Variants in SMARCD1 observed in about 807,000 individuals in gnomAD.
The protein encoded by SMARCD1 is SWI/SNF related BAF chromatin remodeling complex subunit D1.
A neutral mutation model predicts 70.8 loss-of-function variants in SMARCD1; 16 were observed. The ratio of observed to expected loss-of-function variants is 0.23; its 90% confidence interval spans 0.15 to 0.34. SMARCD1 has a LOEUF of 0.34. Ranked by LOEUF, SMARCD1 falls within the 10% of genes least tolerant of loss-of-function variation. The probability of loss-of-function intolerance (pLI) is 1.00; values close to 1 mark genes in which losing one functional copy is unlikely to be tolerated. For synonymous variants in SMARCD1, 249 were observed against 246.0 expected (o/e 1.01, Z -0.11); for missense variants, 409 against 655.5 (o/e 0.62, Z 4.11).
chr12:50,097,967 G>A (rs1012406041), intron 11 of SMARCD1, among the ~76,000 whole-genome samples: 1 of 151,902 alleles, frequency 6.6e-6, no homozygotes, highest in African/African-American at 2.4e-5. Flanking sequence ...GGAGATCAGT[G>A]AGACTAGAAT....
chr12:50,096,831 G>A lies in SMARCD1; in HGVS notation c.1270-19G>A. The A allele has an allele frequency of 1.3e-6, 2 of 1,595,528 alleles. No homozygotes were observed. The highest frequency in any genetic ancestry group is 1.3e-5 in the African/African-American group (1 of 74,406). On this transcript the variant is annotated intron_variant, in intron 10 of 12. Coordinates refer to ENST00000394963, the MANE Select transcript of SMARCD1 (RefSeq NM_003076.5). ...TTTTTCTAGTTTGAAAATGGTATGA[G>A]CTTCGTTCTTCCTTTCAGATCCATG...
chr12:50,098,468 G>A (rs1410820317), intron 11 of SMARCD1: 2 of 526,140 alleles, frequency 3.8e-6, no homozygotes, highest in East Asian at 3.3e-5. Flanking sequence ...CTGTCTCCAT[G>A]TCTAAATTTC....
intron 4 of SMARCD1, 49 bp from the exon 5 acceptor site, chr12:50,087,314 C>T (rs754201023): frequency 7.5e-6 from 12 of 1,602,232 alleles, no homozygotes; most frequent in Non-Finnish European, 1.0e-5. Flanking sequence ...TTGTCTTCAA[C>T]ATCAGACCAC....
chr12:50,094,946 CA>C (rs1196647520), intron 10 of SMARCD1, among the ~76,000 whole-genome samples: 3 of 151,930 alleles, frequency 2.0e-5, no homozygotes, highest in African/African-American at 7.3e-5. Context: ...TACAGTCACC[CA>C]CCATCACACC....
At chr12:50,092,631 C>G (rs1013052691) in intron 9 of SMARCD1, among the ~76,000 whole-genome samples, 14 of 151,868 alleles carry the variant, frequency 9.2e-5, no homozygotes, top group Non-Finnish European at 2.1e-4. Flanking sequence ...AGTAGTAACT[C>G]CTCAACCTAT....
At chr12:50,088,887 C>G (rs1478982899) in intron 6 of SMARCD1, 1 of 261,888 alleles carries the variant, frequency 3.8e-6, no homozygotes, top group Non-Finnish European at 7.2e-6. Flanking sequence ...CCACCTCTTT[C>G]AAGGGAAAGT....
chr12:50,094,312 C>T (rs949264050), intron 9 of SMARCD1, 125 bp from the exon 10 acceptor site: 11 of 909,474 alleles, frequency 1.2e-5, no homozygotes, highest in South Asian at 1.8e-5. Context: ...CTGTCACACC[C>T]GAAAGTTCTC....
chr12:50,097,565 T>C (rs993367735), intron 11 of SMARCD1, among the ~76,000 whole-genome samples: 1 of 145,118 alleles, frequency 6.9e-6, no homozygotes. Context: ...AAAAAGAAAC[T>C]AGGCTAGTAT....
intron 10 of SMARCD1, among the ~76,000 whole-genome samples, chr12:50,095,108 A>G (rs1483132867): frequency 1.3e-5 from 2 of 151,980 alleles, no homozygotes; most frequent in South Asian, 2.1e-4. Flanking sequence ...CATAGTACCT[A>G]TTTTAATCAG....
At chr12:50,085,875 G>C in intron 1 of SMARCD1, 1 of 391,702 alleles carries the variant, frequency 2.6e-6, no homozygotes, top group Non-Finnish European at 4.5e-6. Flanking sequence ...ATTGAGGTCA[G>C]CTTCTAAAGA....
In SMARCD1 at chr12:50,094,582, T is replaced by C; in HGVS notation, c.1269+10T>C. On this transcript the variant is annotated intron_variant, in intron 10 of 12. Transcript: ENST00000394963. ...TACTCTAGACAACAAGGTAGGGGTC[T>C]GTGCCCTGGATAGTTGGGTACCACC... 6.2e-7 allele frequency: 1 copy of C among 1,613,512 alleles called. No homozygotes were observed.
intron 9 of SMARCD1, among the ~76,000 whole-genome samples, 166 bp from the exon 10 acceptor site, chr12:50,094,271 T>C (rs777395604): frequency 2.0e-5 from 3 of 152,210 alleles, no homozygotes; most frequent in Non-Finnish European, 4.4e-5. Context: ...CTGTACACCA[T>C]GTAGCTGCCA....
chr12:50,091,244 A>G (rs1413639069), intron 9 of SMARCD1, among the ~76,000 whole-genome samples: 1 of 151,464 alleles, frequency 6.6e-6, no homozygotes, highest in Non-Finnish European at 1.5e-5. Flanking sequence ...TCCCATGAAC[A>G]GTAATGTAAT....
intron 9 of SMARCD1, among the ~76,000 whole-genome samples, chr12:50,093,427 A>G (rs2697111): frequency 0.99 from 151,254 of 152,100 alleles, 75,217 homozygotes; most frequent in Middle Eastern, 1. Flanking sequence ...GCTTCCCAGA[A>G]TGCTGGGATT....
At chr12:50,093,209 TACAG>T (rs1466128997) in intron 9 of SMARCD1, among the ~76,000 whole-genome samples, 2 of 151,890 alleles carry the variant, frequency 1.3e-5, no homozygotes, top group African/African-American at 4.8e-5. Context: ...TGTTTAAACA[TACAG>T]AGTCTTGCTC....
rs993328878 is a variant in SMARCD1, at chr12:50,086,183, G to A, written c.200G>A (p.Ser67Asn). ...TAGAGACCAGGTATGTTGCCAGGCA[G>A]CCGAATGACACCTCAGGGACCTTCC... ...AYPRPGMLPG[S>N]RMTPQGPSMG... Residue 67 changes from serine (S) to asparagine (N), a missense_variant, in exon 2 of 13, where the codon AGC becomes AAC. Physicochemically the swap from Ser to Asn is conservative, Grantham distance 46. Around this residue, in one of 2 missense-constraint regions of SMARCD1, gnomAD observed 140 missense variants for 156.9 expected, o/e 0.89. Transcript: ENST00000394963. 4 of 1,571,780 alleles carry A rather than the reference G, an allele frequency of 2.5e-6. No individual in the cohort carries two copies. Among genetic ancestry groups the A allele is most frequent in the South Asian group, 1.2e-5 (1 of 86,398 alleles).
At chr12:50,088,145 G>T (rs1950808557) in intron 5 of SMARCD1, 2 of 661,762 alleles carry the variant, frequency 3.0e-6, no homozygotes, top group African/African-American at 1.8e-5. Flanking sequence ...GTGTCATTCT[G>T]TCCAAATAAA....
chr12:50,097,839 C>T (rs1320822917), intron 11 of SMARCD1, among the ~76,000 whole-genome samples: 7 of 144,800 alleles, frequency 4.8e-5, no homozygotes, highest in African/African-American at 1.0e-4. Flanking sequence ...TGCAGTGAGC[C>T]GAGATTGCGC....
chr12:50,096,864 A>T lies in SMARCD1; in HGVS notation c.1284A>T (p.Ile428=). 6.2e-7 allele frequency: 1 copy of T among 1,611,906 alleles called. No homozygotes were observed. Among genetic ancestry groups the T allele is most frequent in the Admixed American group, 1.7e-5 (1 of 59,896 alleles). The change falls in exon 11 of 13, where the codon ATA becomes ATT. Residue 428 remains isoleucine, a synonymous_variant. Coordinates refer to ENST00000394963, the MANE Select transcript of SMARCD1 (RefSeq NM_003076.5). ...ATLDNKIHET[I]ETINQLKTQR... ...CTTCCTTTCAGATCCATGAGACAATAGAAACCATCAACCAGCTGAAGACTC... is the reference window on the plus strand; with the variant it reads ...CTTCCTTTCAGATCCATGAGACAATTGAAACCATCAACCAGCTGAAGACTC...
Sources: allele counts gnomAD v4.1 joint callset (sites outside exome capture counted in the v4.1 genomes callset), GRCh38; gene constraint gnomAD v4.1.1; regional missense constraint gnomAD v4.1.1; transcripts MANE v1.5; gene names NCBI Gene and HGNC (gene_info 2026-07-23, HGNC 2026-07-21).